The following DRC1 variants were observed in gnomAD, a reference collection of about 807,000 sequenced individuals.
The protein encoded by DRC1 is dynein regulatory complex protein 1.
DRC1 carries 74 observed loss-of-function variants against 98.7 expected under a neutral mutation model. The observed-to-expected ratio is 0.75, with a 90% confidence interval of 0.62 to 0.91. The LOEUF is 0.91. Among genes scored for constraint, DRC1 ranks in the 40% least tolerant of loss-of-function variants. The probability of loss-of-function intolerance (pLI) is 0.00; values close to 1 mark genes in which losing one functional copy is unlikely to be tolerated. For synonymous variants in DRC1, 336 were observed against 334.1 expected (o/e 1.01, Z -0.06); for missense variants, 875 against 886.0 (o/e 0.99, Z 0.16).
chr2:26,427,581 A>G (rs1663319506), intron 4 of DRC1, among the ~76,000 whole-genome samples: 1 of 151,906 alleles, frequency 6.6e-6, no homozygotes, highest in Admixed American at 6.6e-5. Flanking sequence ...CAAACATTCC[A>G]GTTATACTCT....
At chr2:26,415,706 C>T (rs554814838) in intron 2 of DRC1, among the ~76,000 whole-genome samples, 15 of 152,218 alleles carry the variant, frequency 9.9e-5, no homozygotes, top group Non-Finnish European at 2.1e-4. Context: ...CCGAGGCGAG[C>T]GGATCACCTG....
Position 26,456,650 on chromosome 2 carries a change from C to G in DRC1, c.*133C>G, listed in dbSNP as rs571996343. 3 of 1,007,324 alleles carry G rather than the reference C, an allele frequency of 3.0e-6. No individual in the cohort carries two copies. The highest frequency in any genetic ancestry group is 4.5e-6 in the Non-Finnish European group (3 of 673,188). 62.4% of individuals were successfully genotyped at this position (1,007,324 alleles called of 1,614,324 possible). ...TTCCAGGGCTGTCTTTATAGCCTGT[C>G]GAAATAAGGAGCCAGAGGAGTTACC... On this transcript the variant is annotated 3_prime_UTR_variant, in exon 17 of 17. Coordinates refer to ENST00000288710, the MANE Select transcript of DRC1 (RefSeq NM_145038.5).
chr2:26,419,682 C>T (rs939410025), intron 2 of DRC1, among the ~76,000 whole-genome samples: 5 of 152,104 alleles, frequency 3.3e-5, no homozygotes, highest in South Asian at 2.1e-4. Context: ...TTATAGGTTC[C>T]TAGTTTAAAA....
intron 2 of DRC1, 119 bp from the exon 3 acceptor site, chr2:26,421,169 G>C (rs578075025): frequency 2.6e-6 from 2 of 770,968 alleles, no homozygotes; most frequent in East Asian, 5.8e-5. Flanking sequence ...TCTTAAGGTA[G>C]TTGCTGCTTC....
chr2:26,437,710 C>CTA (rs201079031), intron 7 of DRC1, among the ~76,000 whole-genome samples: 72 of 151,178 alleles, frequency 4.8e-4, no homozygotes, highest in Non-Finnish European at 6.2e-4. Flanking sequence ...GTATATATAA[C>CTA]TATATATATA....
intron 1 of DRC1, among the ~76,000 whole-genome samples, chr2:26,408,527 C>T (rs779923841): frequency 5.3e-5 from 8 of 152,284 alleles, no homozygotes; most frequent in East Asian, 1.9e-4. Context: ...TAATCCAGCA[C>T]TTTGGGAGGC....
At chr2:26,448,824 C>T (rs762672415) in intron 11 of DRC1, 21 bp downstream of exon 11, 1 of 1,610,852 alleles carries the variant, frequency 6.2e-7, no homozygotes, top group South Asian at 1.1e-5. Context: ...GCGGGGGCTG[C>T]AGCAGAGGGA....
At chr2:26,425,892 C>T (rs1663271794) in intron 4 of DRC1, among the ~76,000 whole-genome samples, 1 of 151,566 alleles carries the variant, frequency 6.6e-6, no homozygotes, top group Non-Finnish European at 1.5e-5. Context: ...TTTTGATGTG[C>T]AAACATTTTT....
intron 1 of DRC1, among the ~76,000 whole-genome samples, chr2:26,403,106 G>A (rs1678304765): frequency 6.6e-6 from 1 of 152,066 alleles, no homozygotes; most frequent in Non-Finnish European, 1.5e-5. Context: ...GCCTTCTTTT[G>A]ATAAAAAATA....
Position 26,418,572 on chromosome 2 carries a change from TATTATATATAA to T in DRC1, c.244-2704_244-2694del, listed in dbSNP as rs1158588805. Among the ~76,000 whole-genome samples the T allele has an allele frequency of 6.6e-5, 7 of 106,562 alleles. No individual in the cohort carries two copies. In the South Asian group the frequency reaches 1.2e-3, roughly 18 times the overall value. The allele number at this position is 106,562 out of a possible 152,430, so 69.9% of individuals were successfully genotyped here. On this transcript the variant is annotated intron_variant, in intron 2 of 16. Transcript: ENST00000288710. Reference sequence around the variant, plus strand: ...TTATATATAATTTATATATAATATATATTATATATAAATTATATATAATTTATATAATATAT... The same window carrying T: ...TTATATATAATTTATATATAATATATATTATATATAATTTATATAATATAT...
chr2:26,420,884 C>T (rs1028369184), intron 2 of DRC1, among the ~76,000 whole-genome samples: 1 of 151,960 alleles, frequency 6.6e-6, no homozygotes, highest in Non-Finnish European at 1.5e-5. Context: ...CTGCCTCAGC[C>T]TGCTGAGTAG....
chr2:26,453,183 T>C, intron 13 of DRC1, 137 bp from the exon 14 acceptor site: 2 of 977,700 alleles, frequency 2.0e-6, no homozygotes, highest in Non-Finnish European at 3.1e-6. Flanking sequence ...TTCTCCTGTT[T>C]CTGTCCCTGT....
intron 11 of DRC1, 34 bp downstream of exon 11, chr2:26,448,837 C>G: frequency 1.2e-6 from 2 of 1,604,478 alleles, no homozygotes; most frequent in Non-Finnish European, 1.7e-6. Flanking sequence ...CAGAGGGACT[C>G]ACGGGGGTGT....
At chr2:26,438,016 C>T (rs763641934) in intron 7 of DRC1, among the ~76,000 whole-genome samples, 60 of 144,400 alleles carry the variant, frequency 4.2e-4, no homozygotes, top group Non-Finnish European at 2.8e-4. Flanking sequence ...CATTTGAACC[C>T]GGGAAGTGGA....
chr2:26,410,068 G>A (rs1678551929), intron 1 of DRC1, among the ~76,000 whole-genome samples: 1 of 151,192 alleles, frequency 6.6e-6, no homozygotes, highest in Admixed American at 6.6e-5. Context: ...AGATGATATG[G>A]CAACCACGAA....
In DRC1 at chr2:26,429,425, C is replaced by T. The variant is rs368341243; in HGVS notation, c.541-203C>T. On this transcript the variant is annotated intron_variant, in intron 4 of 16. Transcript: ENST00000288710. ...AGAGACAGAGTTTTGCCATACTACC[C>T]GGGCTGGTCTCCTGAGCTGAAGCAC... Among the ~76,000 whole-genome samples the T allele has an allele frequency of 1.7e-4, 26 of 151,992 alleles. No individual in the cohort carries two copies. In the East Asian group the frequency reaches 1.9e-3, roughly 11 times the overall value.
intron 1 of DRC1, among the ~76,000 whole-genome samples, chr2:26,407,179 C>CTA (rs1339930212): frequency 3.9e-5 from 6 of 152,058 alleles, no homozygotes; most frequent in Admixed American, 1.3e-4. Context: ...CCTTAGATCT[C>CTA]TATCATTTTA....
chr2:26,448,630 C>G, intron 10 of DRC1, 61 bp from the exon 11 acceptor site: 1 of 1,551,706 alleles, frequency 6.4e-7, no homozygotes, highest in Non-Finnish European at 8.9e-7. Context: ...TTCTCAGAGT[C>G]AACTAGCTCC....
chr2:26,455,138 C>G lies in DRC1; in HGVS notation c.2071C>G (p.Leu691Val), dbSNP rs1404914229. ...CGATTTTTCTGTCCAAAGCCTTGTCCTGACCCAGAGGGCCAAGCTGCTGCT... is the reference window on the plus strand; with the variant it reads ...CGATTTTTCTGTCCAAAGCCTTGTCGTGACCCAGAGGGCCAAGCTGCTGCT... ...YTALEKYHLV[L>V]TQRAKLLLEN... Residue 691 changes from leucine to valine, a missense_variant, in exon 16 of 17, where the codon CTG becomes GTG. Coordinates refer to ENST00000288710, the MANE Select transcript of DRC1 (RefSeq NM_145038.5). 1 of 1,614,108 alleles carries G rather than the reference C, an allele frequency of 6.2e-7. No homozygotes were observed.
Sources: allele counts gnomAD v4.1 joint callset (sites outside exome capture counted in the v4.1 genomes callset), GRCh38; gene constraint gnomAD v4.1.1; transcripts MANE v1.5; gene names NCBI Gene and HGNC (gene_info 2026-07-23, HGNC 2026-07-21).